Variants in SGIP1 observed in about 807,000 individuals in gnomAD.
SGIP1 encodes SH3GL interacting endocytic adaptor 1.
Under a neutral mutation model 107.5 loss-of-function variants are expected in SGIP1, and 38 were observed. The observed-to-expected ratio is 0.35, with a 90% CI of 0.27 to 0.46. The LOEUF (loss-of-function observed/expected upper bound fraction) is 0.46, where lower values mean the gene tolerates loss of function less well. Among genes scored for constraint, SGIP1 ranks in the 20% least tolerant of loss-of-function variants. The probability of loss-of-function intolerance (pLI) is 1.00; values close to 1 mark genes in which losing one functional copy is unlikely to be tolerated. For synonymous variants in SGIP1, 365 were observed against 366.1 expected (o/e 1.00, Z 0.03); for missense variants, 929 against 1,019.5 (o/e 0.91, Z 1.21).
Position 66,631,051 on chromosome 1 carries a change from GA to G in SGIP1, c.75-2016del, listed in dbSNP as rs1385281256. Among the ~76,000 whole-genome samples, 104 of 68,960 alleles carry G rather than the reference GA, an allele frequency of 1.5e-3. 2 individuals carry two copies. The highest frequency in any genetic ancestry group is 4.9e-3 in the African/African-American group (99 of 20,156). The allele number at this position is 68,960 out of a possible 152,430, so 45.2% of individuals were successfully genotyped here. A position where few individuals can be genotyped will look rare whatever the true frequency, so the allele number is the denominator to read the frequency against. On this transcript the variant is annotated intron_variant, in intron 2 of 24. Transcript: ENST00000371037. ...AGGAAGGAAGGAAGAAAGGAAGAAA[GA>G]AAGAAAGAAAGAAAGAAAGAAAGAA...
chr1:66,621,430 T>A (rs1043330285), intron 1 of SGIP1, among the ~76,000 whole-genome samples: 1 of 152,214 alleles, frequency 6.6e-6, no homozygotes, highest in African/African-American at 2.4e-5. Flanking sequence ...CCATTTCTTT[T>A]TTATCATGGT....
At chr1:66,690,437 AT>A in intron 17 of SGIP1, 121 bp downstream of exon 17, 2 of 1,368,230 alleles carry the variant, frequency 1.5e-6, no homozygotes, top group Non-Finnish European at 2.0e-6. Context: ...TTTTGCTACT[AT>A]TACCTGACTC....
intron 2 of SGIP1, among the ~76,000 whole-genome samples, chr1:66,630,930 G>A (rs1181233720): frequency 2.2e-4 from 21 of 93,768 alleles, no homozygotes; most frequent in Non-Finnish European, 3.3e-4. Context: ...GAGGAAGGAA[G>A]GAAGGAAAGA....
chr1:66,699,218 A>G (rs993218890), intron 18 of SGIP1, among the ~76,000 whole-genome samples: 1 of 151,892 alleles, frequency 6.6e-6, no homozygotes, highest in Non-Finnish European at 1.5e-5. Context: ...TCTTCTGTGG[A>G]TCGTTCATCA....
At chr1:66,604,917 C>T (rs1485401175) in intron 1 of SGIP1, among the ~76,000 whole-genome samples, 1 of 152,172 alleles carries the variant, frequency 6.6e-6, no homozygotes, top group Non-Finnish European at 1.5e-5. Flanking sequence ...TTTTCTACTT[C>T]TCCATTTCTA....
intron 7 of SGIP1, among the ~76,000 whole-genome samples, chr1:66,654,744 C>T (rs2079413467): frequency 6.6e-6 from 1 of 152,192 alleles, no homozygotes; most frequent in South Asian, 2.1e-4. Context: ...ATATTTCCTT[C>T]TGACTTATGT....
At chr1:66,592,812 G>A (rs955783512) in intron 1 of SGIP1, among the ~76,000 whole-genome samples, 5 of 148,830 alleles carry the variant, frequency 3.4e-5, no homozygotes, top group African/African-American at 1.0e-4. Flanking sequence ...CTTTTTCTAC[G>A]ATTTCATATA....
chr1:66,697,229 A>G (rs758267800), intron 18 of SGIP1, among the ~76,000 whole-genome samples: 4 of 152,214 alleles, frequency 2.6e-5, no homozygotes, highest in Non-Finnish European at 5.9e-5. Context: ...TCTGTTTTGA[A>G]AATACATATT....
intron 15 of SGIP1, among the ~76,000 whole-genome samples, chr1:66,687,220 C>A (rs1001207098): frequency 2.0e-5 from 3 of 151,518 alleles, no homozygotes; most frequent in African/African-American, 7.3e-5. Context: ...GGAAACAGAC[C>A]TACAGATAGA....
chr1:66,645,233 C>T lies in SGIP1; in HGVS notation c.459+1514C>T, dbSNP rs559438636. Among the ~76,000 whole-genome samples, 15 of 152,250 alleles carry T rather than the reference C, an allele frequency of 9.9e-5. No homozygotes were observed. In the South Asian group the frequency reaches 1.5e-3, roughly 15 times the overall value. ...CACATTTATGTGAAAGCAAATGTAC[C>T]GGCACAGTCCCAGAAACATAGTGGA... On this transcript the variant is annotated intron_variant, in intron 7 of 24. Coordinates refer to ENST00000371037, the MANE Select transcript of SGIP1 (RefSeq NM_032291.4).
chr1:66,634,301 C>T (rs1225225987), intron 3 of SGIP1: 7 of 671,728 alleles, frequency 1.0e-5, no homozygotes, highest in Non-Finnish European at 1.8e-5. Context: ...GATTGCTATT[C>T]CTTGCTTCTC....
At chr1:66,649,896 G>T (rs2078405442) in intron 7 of SGIP1, among the ~76,000 whole-genome samples, 1 of 152,174 alleles carries the variant, frequency 6.6e-6, no homozygotes, top group Non-Finnish European at 1.5e-5. Flanking sequence ...CCTTTTAGTT[G>T]ATGACTTTTG....
At chr1:66,680,257 T>C (rs916756969) in intron 14 of SGIP1, among the ~76,000 whole-genome samples, 1 of 152,202 alleles carries the variant, frequency 6.6e-6, no homozygotes, top group African/African-American at 2.4e-5. Flanking sequence ...GGCAAGGAGA[T>C]ATGTAAAGAT....
At chr1:66,669,062 C>T (rs574608288) in intron 9 of SGIP1, among the ~76,000 whole-genome samples, 2 of 152,320 alleles carry the variant, frequency 1.3e-5, no homozygotes, top group South Asian at 2.1e-4. Context: ...TGAGTTGCTG[C>T]TGATCTTTCA....
chr1:66,643,985 GA>G (rs901568585), intron 7 of SGIP1: 30 of 220,072 alleles, frequency 1.4e-4, no homozygotes, highest in South Asian at 7.3e-4. Context: ...ATTTTAAAAA[GA>G]AAAAAAAATA....
rs2077153929 is a variant in SGIP1 at position 66,643,660 on chromosome 1, G to T, written c.400G>T (p.Ala134Ser). Residue 134 changes from alanine to serine, a missense_variant, in exon 7 of 25, where the codon GCA (alanine) becomes TCA (serine). This residue lies in a region of SGIP1 where 588 missense variants were observed against 588.6 expected (regional missense o/e 1.00). Coordinates refer to ENST00000371037, the MANE Select transcript of SGIP1 (RefSeq NM_032291.4). ...LQSKDILKNAATVDELKASIG... is the reference protein window; with the variant it reads ...LQSKDILKNASTVDELKASIG... ...ATCTAAAGACATTCTTAAGAATGCT[G>T]CAACTGTAGATGAATTGAAGGCATC... is the stretch of plus-strand genomic sequence containing the variant. 1 of 1,612,176 alleles carries T rather than the reference G, an allele frequency of 6.2e-7. No homozygotes were observed. The highest frequency in any genetic ancestry group is 1.7e-5 in the Admixed American group (1 of 59,608).
chr1:66,600,051 T>A (rs1278616432), intron 1 of SGIP1, among the ~76,000 whole-genome samples: 2 of 152,216 alleles, frequency 1.3e-5, no homozygotes, highest in East Asian at 3.8e-4. Flanking sequence ...TGGTCTCCAC[T>A]GTAATGGGTA....
At chr1:66,585,209 T>A (rs1435282160) in intron 1 of SGIP1, among the ~76,000 whole-genome samples, 1 of 152,208 alleles carries the variant, frequency 6.6e-6, no homozygotes, top group Non-Finnish European at 1.5e-5. Flanking sequence ...TTCTCTATGG[T>A]GCTTCTTGCA....
rs1014357735 is a variant in SGIP1 at position 66,690,419 on chromosome 1, G to T, written c.1570+103G>T. On this transcript the variant is annotated intron_variant, in intron 17 of 24. Transcript: ENST00000371037. ...CTGTGTTTCTGGTTGAAATTGTTTT[G>T]CTGTGTGTTTTGCTACTATTACCTG... 1.5e-5 allele frequency: 23 copies of T among 1,515,308 alleles called. 1 individual carries two copies. In the South Asian group the frequency reaches 2.6e-4, roughly 17 times the overall value. The allele number at this position is 1,515,308 out of a possible 1,614,324, so 93.9% of individuals were successfully genotyped here.
Sources: gnomAD v4.1 joint callset for allele counts (sites outside exome capture counted in the v4.1 genomes callset) on GRCh38, gnomAD v4.1.1 for gene constraint, gnomAD v4.1.1 regional missense constraint, MANE v1.5 for transcripts, NCBI Gene and HGNC (gene_info 2026-07-23, HGNC 2026-07-21) for gene names.